Variants in CHRNA2 observed in about 807,000 individuals in gnomAD.
CHRNA2 encodes neuronal acetylcholine receptor subunit alpha-2.
In CHRNA2, 40 loss-of-function variants were observed where a neutral mutation model predicts 45.5. That is an observed-to-expected ratio of 0.88 (90% CI 0.68 to 1.15). The LOEUF (loss-of-function observed/expected upper bound fraction) is 1.15, where lower values mean the gene tolerates loss of function less well. Ranked by LOEUF, CHRNA2 falls within the 50% of genes most tolerant of loss-of-function variation. The probability of loss-of-function intolerance (pLI) is 0.00; values close to 1 mark genes in which losing one functional copy is unlikely to be tolerated. For synonymous variants in CHRNA2, 301 were observed against 296.7 expected, an observed-to-expected ratio of 1.01 and a Z score of -0.15; for missense variants, 655 against 701.7, an observed-to-expected ratio of 0.93 and a Z score of 0.75.
chr8:27,467,981 T>C (rs1812751675), intron 4 of CHRNA2, among the ~76,000 whole-genome samples: 1 of 152,188 alleles, frequency 6.6e-6, no homozygotes, highest in Non-Finnish European at 1.5e-5. Flanking sequence ...AGGTTCGTAT[T>C]ATCTCCGTAG....
rs1812571543 is a variant in CHRNA2 at position 27,463,319 on chromosome 8, G to A, written c.1124C>T (p.Pro375Leu). Residue 375 changes from proline (P) to leucine (L), a missense_variant, in exon 6 of 7, where the codon CCC (proline) becomes CTC (leucine). Pro to Leu is a moderately conservative substitution (Grantham distance 98). Transcript: ENST00000407991. This position sits in a 1 kb window ranked among gnomAD's most constrained non-coding sequence, Gnocchi z 6.1. Reference protein sequence around the residue: ...WVRGALLGCVPRWLLMNRPPP... With the variant: ...WVRGALLGCVLRWLLMNRPPP... ...GGGCCGGTTCATCAGAAGCCACCGG[G>A]GCACACAGCCCAGAAGGGCCCCCCG... is the stretch of plus-strand genomic sequence containing the variant. 1 of 1,612,564 alleles carries A rather than the reference G, an allele frequency of 6.2e-7. No individual in the cohort carries two copies. Among genetic ancestry groups the A allele is most frequent in the South Asian group, 1.1e-5 (1 of 91,072 alleles).
chr8:27,463,518 C>T lies in CHRNA2; in HGVS notation c.925G>A (p.Val309Ile), dbSNP rs755014350. ...LCISVLLSLT[V>I]FLLLITEIIP... Reference sequence around the variant, plus strand: ...ATCTCAGTGATGAGCAGCAGGAAGACGGTGAGTGACAGCAGCACCGAAATG... The same window carrying T: ...ATCTCAGTGATGAGCAGCAGGAAGATGGTGAGTGACAGCAGCACCGAAATG... Residue 309 changes from valine to isoleucine, a missense_variant, in exon 6 of 7, where the codon GTC (valine) becomes ATC (isoleucine). This residue lies in a region of CHRNA2 where 37 missense variants were observed against 66.8 expected (regional missense o/e 0.55). Coordinates refer to ENST00000407991, the MANE Select transcript of CHRNA2 (RefSeq NM_000742.4). The surrounding 1 kb of genome is among the most constrained non-coding windows in gnomAD (Gnocchi z 6.1). 5.0e-6 allele frequency: 8 copies of T among 1,614,044 alleles called. No homozygotes were observed. The highest frequency in any genetic ancestry group is 2.2e-5 in the East Asian group (1 of 44,896).
intron 1 of CHRNA2, among the ~76,000 whole-genome samples, chr8:27,472,050 T>G (rs944633193): frequency 1.3e-5 from 2 of 152,082 alleles, no homozygotes; most frequent in Admixed American, 1.3e-4. Flanking sequence ...AAAGGACAGG[T>G]TTTGAAGAGC....
chr8:27,467,127 A>C (rs1374401889), intron 5 of CHRNA2, 102 bp downstream of exon 5: 5 of 793,782 alleles, frequency 6.3e-6, no homozygotes, highest in Admixed American at 3.8e-5. Context: ...GTCGAGAAGG[A>C]GGCGAGGAAG....
chr8:27,469,263 A>G, intron 4 of CHRNA2, 72 bp downstream of exon 4: 1 of 1,416,816 alleles, frequency 7.1e-7, no homozygotes, highest in Non-Finnish European at 9.8e-7. Flanking sequence ...ACTAGCGAAG[A>G]AGTCCTGGAG....
chr8:27,461,901 C>T (rs189738419), intron 6 of CHRNA2, 147 bp from the exon 7 acceptor site: 2 of 1,110,806 alleles, frequency 1.8e-6, no homozygotes, highest in African/African-American at 1.5e-5. Flanking sequence ...GCACAGGGAG[C>T]GGGGTGAGTG....
At chr8:27,465,705 A>G (rs1361806027) in intron 5 of CHRNA2, among the ~76,000 whole-genome samples, 1 of 152,182 alleles carries the variant, frequency 6.6e-6, no homozygotes, top group African/African-American at 2.4e-5. Flanking sequence ...CTGGGATTAC[A>G]GGTGTGAGCC....
intron 1 of CHRNA2, among the ~76,000 whole-genome samples, chr8:27,472,529 A>G (rs1210853414): frequency 1.3e-5 from 2 of 152,202 alleles, no homozygotes; most frequent in African/African-American, 2.4e-5. Flanking sequence ...TTGTGGGGTG[A>G]GAGCAGAGAA....
In CHRNA2 at chr8:27,463,759, G is replaced by A. The variant is rs143536618; in HGVS notation, c.684C>T (p.Ser228=). 242 of 1,614,130 alleles carry A rather than the reference G, an allele frequency of 1.5e-4. No individual in the cohort carries two copies. The African/African-American group carries it at 2.3e-3, about 16-fold the overall frequency. The part of the protein sequence containing the change: ...QTVDLKDYWE[S]GEWAIVNATG... ...TGGCATTGACGATGGCCCACTCGCC[G>A]CTCTCCCAGTAGTCCTTCAGGTCCA... The change falls in exon 6 of 7, where the codon AGC becomes AGT. Residue 228 remains serine (S), a synonymous_variant. Transcript: ENST00000407991. This position sits in a 1 kb window ranked among gnomAD's most constrained non-coding sequence, Gnocchi z 6.1.
At chr8:27,464,111 G>A (rs1399124883) in intron 5 of CHRNA2, 118 bp from the exon 6 acceptor site, 5 of 1,187,416 alleles carry the variant, frequency 4.2e-6, no homozygotes, top group East Asian at 2.5e-5. Flanking sequence ...CCACACTGGC[G>A]GGGTTTATTT....
At chr8:27,467,531 G>T (rs749906968) in intron 4 of CHRNA2, 193 bp from the exon 5 acceptor site, 3 of 578,752 alleles carry the variant, frequency 5.2e-6, no homozygotes, top group Admixed American at 5.8e-5. Context: ...CAACCTTCTC[G>T]CTTTGCCTGG....
Position 27,461,586 on chromosome 8 carries a change from G to C in CHRNA2, c.*43C>G. 1 of 1,613,222 alleles carries C rather than the reference G, an allele frequency of 6.2e-7. No individual in the cohort carries two copies. Among genetic ancestry groups the C allele is most frequent in the Admixed American group, 1.7e-5 (1 of 60,024 alleles). Reference sequence around the variant, plus strand: ...GCTGTAGCAGAGACGGTCAAAAGATGGTCAGCGGGGGTGCCCTGGGAGCCA... The same window carrying C: ...GCTGTAGCAGAGACGGTCAAAAGATCGTCAGCGGGGGTGCCCTGGGAGCCA... On this transcript the variant is annotated 3_prime_UTR_variant, in exon 7 of 7. Coordinates refer to ENST00000407991, the MANE Select transcript of CHRNA2 (RefSeq NM_000742.4).
At chr8:27,478,601 G>A (rs951936569) in intron 1 of CHRNA2, among the ~76,000 whole-genome samples, 2 of 152,140 alleles carry the variant, frequency 1.3e-5, no homozygotes, top group African/African-American at 4.8e-5. Flanking sequence ...CCTGAGACTG[G>A]GCTAGCCATC....
intron 5 of CHRNA2, among the ~76,000 whole-genome samples, chr8:27,465,850 G>A (rs552681551): frequency 4.7e-4 from 71 of 152,314 alleles, no homozygotes; most frequent in Non-Finnish European, 9.1e-4. Context: ...AACCTTGAGT[G>A]GGGTATCTGG....
At chr8:27,465,940 C>T (rs556747781) in intron 5 of CHRNA2, among the ~76,000 whole-genome samples, 3 of 152,296 alleles carry the variant, frequency 2.0e-5, no homozygotes, top group African/African-American at 7.2e-5. Flanking sequence ...TGTAATAAAT[C>T]AGGTAACACC....
rs745538264 is a variant in CHRNA2 at position 27,469,549 on chromosome 8, C to T, written c.295-170G>A. ...CTTACTCAGATTCTCCAGGGTCACACAGGCACTGCTGCCAATCAATGCCCT... is the reference window on the plus strand; with the variant it reads ...CTTACTCAGATTCTCCAGGGTCACATAGGCACTGCTGCCAATCAATGCCCT... On this transcript the variant is annotated intron_variant, in intron 3 of 6. Coordinates refer to ENST00000407991, the MANE Select transcript of CHRNA2 (RefSeq NM_000742.4). 9.8e-5 allele frequency: 86 copies of T among 878,230 alleles called. 1 individual carries two copies. Among genetic ancestry groups the T allele is most frequent in the Non-Finnish European group, 1.5e-4 (82 of 545,958 alleles). The allele number at this position is 878,230 out of a possible 1,614,324, so 54.4% of individuals were successfully genotyped here.
chr8:27,466,339 G>A (rs1328575616), intron 5 of CHRNA2, among the ~76,000 whole-genome samples: 4 of 152,144 alleles, frequency 2.6e-5, no homozygotes, highest in African/African-American at 9.7e-5. Context: ...AGGATCAAAT[G>A]AATTGGGAAA....
rs751893575 is a variant in CHRNA2, at chr8:27,463,951, G to A, written c.492C>T (p.His164=). The A allele has an allele frequency of 1.2e-6, 2 of 1,614,184 alleles. No homozygotes were observed. Among genetic ancestry groups the A allele is most frequent in the South Asian group, 2.2e-5 (2 of 91,080 alleles). Residue 164 remains histidine (H), a synonymous_variant, in exon 6 of 7, where the codon CAC becomes CAT. Coordinates refer to ENST00000407991, the MANE Select transcript of CHRNA2 (RefSeq NM_000742.4). The surrounding 1 kb of genome is among the most constrained non-coding windows in gnomAD (Gnocchi z 6.1). ...EFAVTHMTKA[H]LFSTGTVHWV... is the part of the protein sequence containing the mutation. ...AGTGCACAGTGCCCGTGGAGAAGAG[G>A]TGGGCCTTGGTCATGTGGGTCACTG...
intron 1 of CHRNA2, among the ~76,000 whole-genome samples, chr8:27,473,114 G>C (rs1812941849): frequency 6.6e-6 from 1 of 151,856 alleles, no homozygotes; most frequent in African/African-American, 2.4e-5. Context: ...TGCCTTAAAA[G>C]CTTACACATT....
Sources: gnomAD v4.1 joint callset for allele counts (sites outside exome capture counted in the v4.1 genomes callset) on GRCh38, gnomAD v4.1.1 for gene constraint, gnomAD v4.1.1 regional missense constraint, Gnocchi (gnomAD v3.1) non-coding constraint, MANE v1.5 for transcripts, NCBI Gene and HGNC (gene_info 2026-07-23, HGNC 2026-07-21) for gene names.